Variants in NEIL3 observed in about 807,000 individuals in gnomAD.
NEIL3 encodes the protein nei like DNA glycosylase 3, also known as endonuclease 8-like 3.
Under a neutral mutation model 57.5 loss-of-function variants are expected in NEIL3, and 48 were observed. That is an observed-to-expected ratio of 0.83 (90% CI 0.66 to 1.06). The LOEUF (loss-of-function observed/expected upper bound fraction) is 1.06. Ranked by LOEUF, NEIL3 falls within the 50% of genes least tolerant of loss-of-function variation. The pLI is 0.00. For synonymous variants in NEIL3, 261 were observed against 253.2 expected (o/e 1.03, Z -0.29); for missense variants, 717 against 739.1 (o/e 0.97, Z 0.35).
chr4:177,325,962 T>A (rs1247559973), intron 2 of NEIL3, among the ~76,000 whole-genome samples: 1 of 152,154 alleles, frequency 6.6e-6, no homozygotes, highest in African/African-American at 2.4e-5. Flanking sequence ...AGATAACATG[T>A]TTTGCAAGTA....
intron 6 of NEIL3, among the ~76,000 whole-genome samples, 165 bp downstream of exon 6, chr4:177,341,807 C>T (rs1029836731): frequency 6.6e-6 from 1 of 152,040 alleles, no homozygotes; most frequent in Non-Finnish European, 1.5e-5. Flanking sequence ...ACCAAAGAAC[C>T]TGAGGGAGCC....
chr4:177,322,701 T>G (rs1199674641), intron 2 of NEIL3, 121 bp downstream of exon 2: 1 of 1,104,296 alleles, frequency 9.1e-7, no homozygotes, highest in Non-Finnish European at 1.3e-6. Flanking sequence ...TTAAGAGAGC[T>G]CCAATATGAG....
chr4:177,371,199 T>TCTATGTCA, the NEIL3 span, among the ~76,000 whole-genome samples: 7 of 152,338 alleles, frequency 4.6e-5, no homozygotes, highest in Admixed American at 2.0e-4. Flanking sequence ...TATTAACATA[T>TCTATGTCA]CTATGTCACT....
intron 6 of NEIL3, among the ~76,000 whole-genome samples, chr4:177,350,987 T>C (rs916850240): frequency 6.6e-6 from 1 of 151,370 alleles, no homozygotes; most frequent in Non-Finnish European, 1.5e-5. Context: ...GCAGGAAGAT[T>C]ACTTGAGGCC....
Position 177,353,684 on chromosome 4 carries a change from C to T in NEIL3, c.1416C>T (p.Tyr472=), listed in dbSNP as rs1212166270. ...ATAAAAAACCGAAAACAGCCCAATA[C>T]TCATCACCAGAGCTTAAAAGCTGCA... ...PAHKKPKTAQ[Y]SSPELKSCNP... The change falls in exon 8 of 10, where the codon TAC becomes TAT. Residue 472 remains tyrosine (Y), a synonymous_variant. Coordinates refer to ENST00000264596, the MANE Select transcript of NEIL3 (RefSeq NM_018248.3). The T allele has an allele frequency of 6.2e-7, 1 of 1,613,562 alleles. No homozygotes were observed. The highest frequency in any genetic ancestry group is 8.5e-7 in the Non-Finnish European group (1 of 1,179,780).
At chr4:177,338,723 G>A (rs1469073410) in intron 4 of NEIL3, among the ~76,000 whole-genome samples, 1 of 152,200 alleles carries the variant, frequency 6.6e-6, no homozygotes, top group Non-Finnish European at 1.5e-5. Context: ...TCTTCCATGT[G>A]TTAATAAGTA....
chr4:177,322,092 A>G (rs1734696477), intron 1 of NEIL3, among the ~76,000 whole-genome samples: 1 of 152,210 alleles, frequency 6.6e-6, no homozygotes, highest in African/African-American at 2.4e-5. Flanking sequence ...GAACTTGGCT[A>G]TATACTTCTG....
the NEIL3 span, among the ~76,000 whole-genome samples, chr4:177,369,032 T>G: frequency 6.6e-6 from 1 of 152,232 alleles, no homozygotes; most frequent in Non-Finnish European, 1.5e-5. Context: ...AATAAATGTT[T>G]AATTCAATTA....
In NEIL3 at chr4:177,341,732, G is replaced by C; in HGVS notation, c.869+90G>C. ...GAGAATATAACTGAATAACTGTCAG[G>C]CTATTCAGAAGAGAACGTGACTCAA... On this transcript the variant is annotated intron_variant, in intron 6 of 9. Coordinates refer to ENST00000264596, the MANE Select transcript of NEIL3 (RefSeq NM_018248.3). The C allele has an allele frequency of 6.1e-6, 7 of 1,140,992 alleles. No homozygotes were observed. In the South Asian group the frequency reaches 9.7e-5, roughly 16 times the overall value. The allele number at this position is 1,140,992 out of a possible 1,614,324, so 70.7% of individuals were successfully genotyped here. A position where few individuals can be genotyped will look rare whatever the true frequency, so the allele number is the denominator to read the frequency against.
At chr4:177,363,409 G>A (rs564890495), downstream of NEIL3, among the ~76,000 whole-genome samples, 6 of 152,250 alleles carry the variant, frequency 3.9e-5, no homozygotes, top group South Asian at 1.2e-3. Context: ...TAAGTATTTT[G>A]TTTTGACTCT....
chr4:177,339,718 C>A (rs12645561), intron 4 of NEIL3, 65 bp from the exon 5 acceptor site: 4 of 1,016,940 alleles, frequency 3.9e-6, no homozygotes, highest in Non-Finnish European at 6.2e-6. Flanking sequence ...ATTGGCAAGG[C>A]GTATTATTTC....
At chr4:177,338,138 T>C (rs1036891607) in intron 4 of NEIL3, among the ~76,000 whole-genome samples, 4 of 152,204 alleles carry the variant, frequency 2.6e-5, no homozygotes, top group African/African-American at 9.6e-5. Flanking sequence ...TGACTTAATA[T>C]AGTATGTAAG....
intron 4 of NEIL3, 136 bp from the exon 5 acceptor site, chr4:177,339,647 A>C: frequency 1.6e-6 from 1 of 637,126 alleles, no homozygotes; most frequent in Non-Finnish European, 2.7e-6. Context: ...CTCCCAGTTC[A>C]AACCCATGTT....
chr4:177,330,603 T>A (rs1444690592), intron 2 of NEIL3, among the ~76,000 whole-genome samples: 1 of 152,158 alleles, frequency 6.6e-6, no homozygotes, highest in Non-Finnish European at 1.5e-5. Context: ...AAAAATTGGT[T>A]CTTTGAAAAA....
intron 1 of NEIL3, among the ~76,000 whole-genome samples, chr4:177,317,705 G>A (rs576775998): frequency 4.2e-5 from 6 of 143,340 alleles, no homozygotes; most frequent in South Asian, 2.3e-4. Flanking sequence ...GGGTTCAAGC[G>A]ATTCTCCTGC....
intron 4 of NEIL3, among the ~76,000 whole-genome samples, chr4:177,339,565 A>G (rs1735048260): frequency 6.6e-6 from 1 of 152,220 alleles, no homozygotes. Context: ...TAGATTGAGG[A>G]GGAAGAGGAG....
Position 177,362,885 on chromosome 4 carries a change from G to A in NEIL3, c.*414G>A, listed in dbSNP as rs961412341. The A allele has an allele frequency of 6.6e-6, 1 of 152,050 alleles. No homozygotes were observed. The highest frequency in any genetic ancestry group is 2.4e-5 in the African/African-American group (1 of 41,384). 9.4% of individuals were successfully genotyped at this position (152,050 alleles called of 1,614,324 possible). On this transcript the variant is annotated 3_prime_UTR_variant, in exon 10 of 10. Transcript: ENST00000264596. ...TGTACTAACACTATTTATAATATATGATTAAAGATATTTCTTGTTTTATTA... is the reference window on the plus strand; with the variant it reads ...TGTACTAACACTATTTATAATATATAATTAAAGATATTTCTTGTTTTATTA...
chr4:177,360,613 A>G lies in NEIL3; in HGVS notation c.1571A>G (p.Glu524Gly). The G allele has an allele frequency of 6.2e-7, 1 of 1,613,908 alleles. No homozygotes were observed. Among genetic ancestry groups the G allele is most frequent in the Non-Finnish European group, 8.5e-7 (1 of 1,179,846 alleles). ...CILRVVGKDG[E>G]NKGRQFYACP... ...CTCCGAGTTGTGGGGAAGGATGGGG[A>G]AAACAAGGGCAGGCAGTTTTATGCC... The change falls in exon 9 of 10, where the codon GAA becomes GGA. Residue 524 changes from glutamate (E) to glycine (G), a missense_variant. Glu to Gly is a moderately conservative substitution (Grantham distance 98). Transcript: ENST00000264596.
the NEIL3 span, among the ~76,000 whole-genome samples, chr4:177,369,424 C>A: frequency 6.6e-6 from 1 of 152,036 alleles, no homozygotes; most frequent in Non-Finnish European, 1.5e-5. Flanking sequence ...GAATCAATTC[C>A]CATTTCATGG....
Sources: allele counts gnomAD v4.1 joint callset (sites outside exome capture counted in the v4.1 genomes callset), GRCh38; gene constraint gnomAD v4.1.1; transcripts MANE v1.5; gene names NCBI Gene and HGNC (gene_info 2026-07-23, HGNC 2026-07-21).